HPRT1: variants seen among roughly 807,000 people sequenced by gnomAD.
HPRT1 encodes the protein hypoxanthine-guanine phosphoribosyltransferase.
In HPRT1, 4 loss-of-function variants were observed where a neutral mutation model predicts 19.0. The observed-to-expected ratio is 0.21, with a 90% confidence interval of 0.10 to 0.48. The LOEUF (loss-of-function observed/expected upper bound fraction) is 0.48. Ranked by LOEUF, HPRT1 falls within the 20% of genes least tolerant of loss-of-function variation. The probability of loss-of-function intolerance (pLI) is 0.98; values close to 1 mark genes in which losing one functional copy is unlikely to be tolerated. For synonymous variants in HPRT1, 53 were observed against 54.9 expected (o/e 0.97, Z 0.15); for missense variants, 65 against 164.0 (o/e 0.40, Z 3.30).
chrX:134,478,726 C>T lies in HPRT1; in HGVS notation c.318+3362C>T, dbSNP rs192172847. 1.0e-3 allele frequency among the ~76,000 whole-genome samples: 117 copies of T among 112,205 alleles called. 1 individual carries two copies. The Middle Eastern group carries it at 0.014, about 13-fold the overall frequency. On this transcript the variant is annotated intron_variant, in intron 3 of 8. Transcript: ENST00000298556. ...TATTTAGAATATTCTAAAGAATTCTCTCTCTGTGTACACACACACATATGC... is the reference window on the plus strand; with the variant it reads ...TATTTAGAATATTCTAAAGAATTCTTTCTCTGTGTACACACACACATATGC...
At chrX:134,464,600 A>T (rs2077592218) in intron 1 of HPRT1, among the ~76,000 whole-genome samples, 2 of 110,587 alleles carry the variant, frequency 1.8e-5, no homozygotes, top group African/African-American at 6.6e-5. Flanking sequence ...TTTTTTTGAG[A>T]TGGAGTCTTG....
chrX:134,495,944 C>A lies in HPRT1; in HGVS notation c.485+2354C>A, dbSNP rs17883196. Among the ~76,000 whole-genome samples the A allele has an allele frequency of 2.6e-3, 287 of 112,369 alleles. 1 individual carries two copies. The highest frequency in any genetic ancestry group is 8.6e-3 in the African/African-American group (266 of 30,978). ...TGGGGCATGTATCAGTACTTCATCC[C>A]TTGTTTTGGCTGAATAATATTTCAT... On this transcript the variant is annotated intron_variant, in intron 6 of 8. Coordinates refer to ENST00000298556, the MANE Select transcript of HPRT1 (RefSeq NM_000194.3).
intron 5 of HPRT1, among the ~76,000 whole-genome samples, chrX:134,490,712 G>T (rs1278415402): frequency 1.9e-5 from 2 of 107,353 alleles, no homozygotes; most frequent in Non-Finnish European, 3.8e-5. Context: ...TTCTCAAAAT[G>T]TGGTTCCCTA....
chrX:134,484,019 C>T (rs1418083443), intron 3 of HPRT1, among the ~76,000 whole-genome samples: 1 of 111,281 alleles, frequency 9.0e-6, no homozygotes, highest in Non-Finnish European at 1.9e-5. Flanking sequence ...TTTAAAAAAG[C>T]CTTGGGGCAA....
chrX:134,490,629 G>A (rs1363203093), intron 5 of HPRT1, among the ~76,000 whole-genome samples: 4 of 106,829 alleles, frequency 3.7e-5, no homozygotes, highest in Admixed American at 1.0e-4. Flanking sequence ...TCTTAGCACC[G>A]AGAGGCTAAG....
intron 1 of HPRT1, among the ~76,000 whole-genome samples, chrX:134,462,624 G>A (rs1198129486): frequency 8.9e-6 from 1 of 112,278 alleles, no homozygotes; most frequent in Non-Finnish European, 1.9e-5. Context: ...GGCCTAGGTA[G>A]ACGCTTTTAG....
chrX:134,464,194 C>T (rs6654281), intron 1 of HPRT1, among the ~76,000 whole-genome samples: 2 of 112,323 alleles, frequency 1.8e-5, no homozygotes, highest in East Asian at 5.6e-4. Context: ...TTTAATTCTT[C>T]TAACAGCTTT....
chrX:134,482,318 G>A (rs190114489), intron 3 of HPRT1, among the ~76,000 whole-genome samples: 1 of 112,132 alleles, frequency 8.9e-6, no homozygotes, highest in Non-Finnish European at 1.9e-5. Context: ...GCCTCCCAAA[G>A]TGCTAGGATT....
intron 1 of HPRT1, among the ~76,000 whole-genome samples, chrX:134,463,440 T>G (rs1602735982): frequency 2.7e-5 from 3 of 111,472 alleles, no homozygotes; most frequent in African/African-American, 9.8e-5. Flanking sequence ...TTTTTGTCCT[T>G]GGCCACACTG....
chrX:134,482,892 G>A (rs1424221986), intron 3 of HPRT1, among the ~76,000 whole-genome samples: 2 of 110,190 alleles, frequency 1.8e-5, no homozygotes, highest in African/African-American at 6.6e-5. Context: ...GTTGGCATTT[G>A]ATCAGGGTAT....
intron 3 of HPRT1, among the ~76,000 whole-genome samples, chrX:134,480,335 C>T (rs1017795459): frequency 1.3e-4 from 15 of 111,324 alleles, no homozygotes; most frequent in Middle Eastern, 4.6e-3. Flanking sequence ...TCCTATTATT[C>T]ATTCTCTATT....
intron 2 of HPRT1, among the ~76,000 whole-genome samples, chrX:134,474,918 A>G (rs901639188): frequency 1.5e-4 from 17 of 110,692 alleles, no homozygotes; most frequent in African/African-American, 5.6e-4. Flanking sequence ...GTCTTGCTCT[A>G]TTGTCCAGGC....
intron 6 of HPRT1, 71 bp downstream of exon 6, chrX:134,493,661 G>C (rs1386861437): frequency 1.5e-6 from 1 of 681,945 alleles, no homozygotes; most frequent in African/African-American, 2.1e-5. Flanking sequence ...TTCTTTTTAA[G>C]GATAAATGTT....
chrX:134,477,851 A>T (rs2077629904), intron 3 of HPRT1, among the ~76,000 whole-genome samples: 1 of 108,633 alleles, frequency 9.2e-6, no homozygotes. Flanking sequence ...ATTTTTTTTT[A>T]TGTTTGTAGA....
At chrX:134,485,863 T>C (rs1300081520) in intron 3 of HPRT1, among the ~76,000 whole-genome samples, 1 of 112,235 alleles carries the variant, frequency 8.9e-6, no homozygotes, top group Non-Finnish European at 1.9e-5. Context: ...TCCCATTGAA[T>C]CTCCTGTAAG....
chrX:134,480,308 A>ATCC (rs2077635854), intron 3 of HPRT1, among the ~76,000 whole-genome samples: 1 of 111,289 alleles, frequency 9.0e-6, no homozygotes, highest in Non-Finnish European at 1.9e-5. Flanking sequence ...ACTGATGTGG[A>ATCC]TCCTCTAATA....
At chrX:134,473,269 A>G (rs2077615373) in intron 1 of HPRT1, 90 bp from the exon 2 acceptor site, 1 of 604,375 alleles carries the variant, frequency 1.7e-6, no homozygotes, top group African/African-American at 2.2e-5. Context: ...AATTTCTCTG[A>G]TAGACTAAGG....
At chrX:134,461,626 C>G (rs1222764309) in intron 1 of HPRT1, among the ~76,000 whole-genome samples, 1 of 112,036 alleles carries the variant, frequency 8.9e-6, no homozygotes, top group Admixed American at 9.5e-5. Context: ...ATCAGCAACC[C>G]TTGCATGGCC....
In HPRT1 at chrX:134,472,148, GT is replaced by G. The variant is rs756703920; in HGVS notation, c.28-1205del. On this transcript the variant is annotated intron_variant, in intron 1 of 8. Coordinates refer to ENST00000298556, the MANE Select transcript of HPRT1 (RefSeq NM_000194.3). ...ACCATACCTGGCAAATTTTTACAAA[GT>G]TTTTTGTAGGGACGGGGTCTTGCTA... Among the ~76,000 whole-genome samples, 13 of 109,881 alleles carry G rather than the reference GT, an allele frequency of 1.2e-4. No individual in the cohort carries two copies. In the East Asian group the frequency reaches 3.4e-3, roughly 29 times the overall value.
Sources: allele counts gnomAD v4.1 joint callset (sites outside exome capture counted in the v4.1 genomes callset), GRCh38; gene constraint gnomAD v4.1.1; transcripts MANE v1.5; gene names NCBI Gene and HGNC (gene_info 2026-07-23, HGNC 2026-07-21).